Variants in MFSD11 observed in about 807,000 individuals in gnomAD.
MFSD11 encodes the protein major facilitator superfamily domain containing 11, also known as UNC93-like protein MFSD11.
A neutral mutation model predicts 53.5 loss-of-function variants in MFSD11; 36 were observed. The observed-to-expected ratio is 0.67, with a 90% CI of 0.52 to 0.89. The LOEUF (loss-of-function observed/expected upper bound fraction) is 0.89. Ranked by LOEUF, MFSD11 falls within the 40% of genes least tolerant of loss-of-function variation. MFSD11 has a pLI of 0.00. For missense variants in MFSD11, 530 were observed against 543.9 expected (o/e 0.97, Z 0.25); for synonymous variants, 186 against 184.9 (o/e 1.01, Z -0.05).
chr17:76,744,788 T>C (rs1462408604), intron 7 of MFSD11, among the ~76,000 whole-genome samples: 2 of 152,210 alleles, frequency 1.3e-5, no homozygotes. Flanking sequence ...TATGTTTCCA[T>C]GGGCAAGGAA....
At chr17:76,737,269 G>T, upstream of MFSD11, 1 of 1,406,706 alleles carries the variant, frequency 7.1e-7, no homozygotes. Context: ...GGGACACTGG[G>T]AAAGGCCTTG....
intron 10 of MFSD11, among the ~76,000 whole-genome samples, chr17:76,772,492 T>G (rs953743876): frequency 1.3e-5 from 2 of 151,608 alleles, no homozygotes; most frequent in Non-Finnish European, 2.9e-5. Flanking sequence ...ATTCATCTAT[T>G]GTTAACGCTC....
rs559907512 is a variant in MFSD11 at position 76,744,414 on chromosome 17, A to G, written c.589A>G (p.Asn197Asp). 38 of 1,614,138 alleles carry G rather than the reference A, an allele frequency of 2.4e-5. No individual in the cohort carries two copies. In the South Asian group the frequency reaches 4.1e-4, roughly 17 times the overall value. ...TCTCATTCGGAAACCAGATTCTGAA[A>G]ATGTCCTAGGAGAAGATGAGTCTTC... is the stretch of plus-strand genomic sequence containing the variant. ...FFLIRKPDSE[N>D]VLGEDESSDD... Residue 197 changes from asparagine (N) to aspartate (D), a missense_variant, in exon 7 of 13, where the codon AAT (asparagine) becomes GAT (aspartate). Transcript: ENST00000685175.
upstream of MFSD11, chr17:76,737,317 A>G (rs2077564113): frequency 1.7e-5 from 18 of 1,062,020 alleles, no homozygotes; most frequent in Non-Finnish European, 2.2e-5. Context: ...AGGCTAGCGC[A>G]CCTGAGTAAC....
Position 76,779,270 on chromosome 17 carries a change from AAAAAG to A in MFSD11, c.*928_*932del, listed in dbSNP as rs1568124608. 3 of 149,958 alleles carry A rather than the reference AAAAAG, an allele frequency of 2.0e-5. No individual in the cohort carries two copies. Among genetic ancestry groups the A allele is most frequent in the Non-Finnish European group, 4.4e-5 (3 of 67,688 alleles). The allele number at this position is 149,958 out of a possible 1,614,324, so 9.3% of individuals were successfully genotyped here. ...ACTCCATCTCAAAAAAAAAAAAAAA[AAAAAG>A]AAAAGAAAATAATAATGATAATTTT... On this transcript the variant is annotated 3_prime_UTR_variant, in exon 13 of 13. Coordinates refer to ENST00000685175, the MANE Select transcript of MFSD11 (RefSeq NM_001242532.5).
Position 76,744,316 on chromosome 17 carries a change from C to T in MFSD11, c.497-6C>T, listed in dbSNP as rs766975988. 1.9e-6 allele frequency: 3 copies of T among 1,603,842 alleles called. No individual in the cohort carries two copies. The highest frequency in any genetic ancestry group is 1.3e-5 in the African/African-American group (1 of 74,108). On this transcript the variant is annotated splice_region_variant and splice_polypyrimidine_tract_variant and intron_variant, in intron 6 of 12. Coordinates refer to ENST00000685175, the MANE Select transcript of MFSD11 (RefSeq NM_001242532.5). ...TACTATCTTGTTTCTTCTTTTTTCT[C>T]CGTAGAGAGTGACCGAAGAACAGTG... is the stretch of plus-strand genomic sequence containing the variant.
rs773079318 is a variant in MFSD11 at position 76,742,277 on chromosome 17, A to G, written c.437+4A>G. The G allele has an allele frequency of 6.2e-7, 1 of 1,610,476 alleles. No individual in the cohort carries two copies. The highest frequency in any genetic ancestry group is 8.5e-7 in the Non-Finnish European group (1 of 1,177,032). The stretch of plus-strand genomic sequence containing the variant: ...TCTGGGCACTTCTGCAGTCTAGGTA[A>G]TTATCCTTTTGAGGTTCAGTCTTTC... On this transcript the variant is annotated splice_donor_region_variant and intron_variant, in intron 5 of 12. Transcript: ENST00000685175.
At chr17:76,799,954 C>CTTTTTTTTTT in the MFSD11 span, among the ~76,000 whole-genome samples, 11 of 87,300 alleles carry the variant, frequency 1.3e-4, no homozygotes, top group African/African-American at 4.1e-4. Context: ...TTTTCTTTTT[C>CTTTTTTTTTT]CTTTTTTTTT....
the MFSD11 span, among the ~76,000 whole-genome samples, chr17:76,791,704 A>G: frequency 2.0e-5 from 3 of 149,054 alleles, no homozygotes; most frequent in Non-Finnish European, 4.5e-5. Context: ...TTTGGCAGCC[A>G]GAGCTTGCTT....
chr17:76,767,703 A>T (rs926678365), intron 9 of MFSD11, among the ~76,000 whole-genome samples: 1 of 152,154 alleles, frequency 6.6e-6, no homozygotes, highest in African/African-American at 2.4e-5. Flanking sequence ...GACCCCCTCC[A>T]TAAGATCACC....
At chr17:76,741,849 C>T (rs976329579) in intron 3 of MFSD11, 120 bp from the exon 4 acceptor site, 19 of 1,475,122 alleles carry the variant, frequency 1.3e-5, no homozygotes, top group African/African-American at 1.1e-4. Flanking sequence ...AAAACTGGAG[C>T]GATCCTTTAC....
downstream of MFSD11, among the ~76,000 whole-genome samples, chr17:76,779,577 C>T (rs537936601): frequency 3.3e-5 from 5 of 152,166 alleles, no homozygotes; most frequent in South Asian, 4.1e-4. Flanking sequence ...CTCTGCCTCC[C>T]GGGTTCAAGC....
At chr17:76,795,815 G>A in the MFSD11 span, among the ~76,000 whole-genome samples, 6 of 146,196 alleles carry the variant, frequency 4.1e-5, no homozygotes, top group Non-Finnish European at 7.4e-5. Context: ...CACCACGCCC[G>A]GCTAATTTTT....
At chr17:76,795,760 TCTC>T in the MFSD11 span, among the ~76,000 whole-genome samples, 1 of 151,812 alleles carries the variant, frequency 6.6e-6, no homozygotes, top group Non-Finnish European at 1.5e-5. Flanking sequence ...TTTACACCAT[TCTC>T]CTGCTTCAGC....
intron 12 of MFSD11, among the ~76,000 whole-genome samples, chr17:76,777,208 C>T (rs577160861): frequency 1.6e-4 from 23 of 147,432 alleles, no homozygotes; most frequent in Middle Eastern, 3.5e-3. Flanking sequence ...GCGGAGCTTG[C>T]GGTGAGCCCA....
At chr17:76,792,414 C>T in the MFSD11 span, among the ~76,000 whole-genome samples, 1,738 of 150,968 alleles carry the variant, frequency 0.012, 113 homozygotes, top group African/African-American at 0.04. Context: ...CCACTGCACC[C>T]GGTGTAGGCG....
chr17:76,756,282 C>T (rs555095484), intron 8 of MFSD11, among the ~76,000 whole-genome samples: 45 of 151,710 alleles, frequency 3.0e-4, no homozygotes, highest in Non-Finnish European at 5.4e-4. Context: ...GCCACCACGC[C>T]CAGCTAATTT....
At chr17:76,745,194 A>G (rs758369907) in intron 7 of MFSD11, among the ~76,000 whole-genome samples, 2 of 152,170 alleles carry the variant, frequency 1.3e-5, no homozygotes, top group Non-Finnish European at 2.9e-5. Context: ...GCCTTATAGC[A>G]TTTTATATAT....
chr17:76,792,438 C>A, the MFSD11 span, among the ~76,000 whole-genome samples: 2 of 146,476 alleles, frequency 1.4e-5, no homozygotes, highest in South Asian at 4.2e-4. Flanking sequence ...TTTTATTTTT[C>A]TTTTCTTTCT....
Sources: gnomAD v4.1 joint callset for allele counts (sites outside exome capture counted in the v4.1 genomes callset) on GRCh38, gnomAD v4.1.1 for gene constraint, MANE v1.5 for transcripts, NCBI Gene and HGNC (gene_info 2026-07-23, HGNC 2026-07-21) for gene names.